GRIA2: variants seen among roughly 807,000 people sequenced by gnomAD.
GRIA2 encodes the protein glutamate receptor 2.
In GRIA2, 14 loss-of-function variants were observed where a neutral mutation model predicts 97.3. The ratio of observed to expected loss-of-function variants is 0.14; its 90% confidence interval spans 0.10 to 0.23. The LOEUF is 0.23. Among genes scored for constraint, GRIA2 ranks in the 10% least tolerant of loss-of-function variants. GRIA2 has a pLI of 1.00. For synonymous variants in GRIA2, 412 were observed against 387.8 expected (o/e 1.06, Z -0.73); for missense variants, 558 against 1,069.8 (o/e 0.52, Z 6.67).
intron 2 of GRIA2, among the ~76,000 whole-genome samples, chr4:157,223,086 G>A (rs552267733): frequency 2.0e-5 from 3 of 152,310 alleles, no homozygotes; most frequent in Admixed American, 6.5e-5. Flanking sequence ...CACAGGAAAA[G>A]CCCAACTGCA....
intron 2 of GRIA2, among the ~76,000 whole-genome samples, chr4:157,263,608 T>C (rs1352406660): frequency 6.6e-6 from 1 of 152,124 alleles, no homozygotes; most frequent in East Asian, 1.9e-4. Flanking sequence ...CCACAACAGA[T>C]GGTTAAAGGA....
At position 157,304,913 on chromosome 4, in the gene GRIA2, G is replaced by A. The variant is rs78275070; in HGVS notation, c.469+1122G>A. ...CTCTGCCCTGTCCTCCTAATCCTGGGAATGAGAACACTCAGTGGAAAAGCC... is the reference window on the plus strand; with the variant it reads ...CTCTGCCCTGTCCTCCTAATCCTGGAAATGAGAACACTCAGTGGAAAAGCC... On this transcript the variant is annotated intron_variant, in intron 3 of 15. Transcript: ENST00000264426. Among the ~76,000 whole-genome samples the A allele has an allele frequency of 6.7e-3, 1,014 of 152,072 alleles. 4 individuals are homozygous for A. Among genetic ancestry groups the A allele is most frequent in the Non-Finnish European group, 9.9e-3 (675 of 67,974 alleles).
chr4:157,355,388 C>G (rs1736206443), intron 12 of GRIA2, among the ~76,000 whole-genome samples: 1 of 151,214 alleles, frequency 6.6e-6, no homozygotes, highest in Non-Finnish European at 1.5e-5. Context: ...ATTAGCCAGG[C>G]GTGGTGGCAC....
intron 12 of GRIA2, among the ~76,000 whole-genome samples, chr4:157,355,598 A>ATT (rs1313848667): frequency 7.2e-6 from 1 of 138,632 alleles, no homozygotes; most frequent in Non-Finnish European, 1.5e-5. Flanking sequence ...TTATTTATAT[A>ATT]TATATTTATA....
chr4:157,341,206 TG>T, intron 11 of GRIA2, 57 bp from the exon 12 acceptor site: 1 of 1,151,440 alleles, frequency 8.7e-7, no homozygotes, highest in Non-Finnish European at 1.3e-6. Flanking sequence ...ACTGCTAACT[TG>T]TTTTTTTATT....
chr4:157,273,375 A>T (rs2126793912), intron 2 of GRIA2, among the ~76,000 whole-genome samples: 1 of 152,196 alleles, frequency 6.6e-6, no homozygotes, highest in East Asian at 1.9e-4. Context: ...CAGCTGAAAC[A>T]GACAGAACAA....
At chr4:157,321,030 A>AC in intron 5 of GRIA2, among the ~76,000 whole-genome samples, 1 of 152,262 alleles carries the variant, frequency 6.6e-6, no homozygotes, top group South Asian at 2.1e-4. Flanking sequence ...AACAGGAGTA[A>AC]CTTGCTCACA....
intron 2 of GRIA2, among the ~76,000 whole-genome samples, chr4:157,248,780 CTATATATATATATATATA>C (rs36210142): frequency 0.035 from 4,321 of 122,330 alleles, 95 homozygotes; most frequent in Middle Eastern, 0.1. Context: ...CTTTCTTTCA[CTATATATATATATATATA>C]TATATATATA....
intron 2 of GRIA2, among the ~76,000 whole-genome samples, chr4:157,255,548 C>T (rs1201503714): frequency 1.3e-5 from 2 of 151,980 alleles, no homozygotes; most frequent in East Asian, 3.9e-4. Context: ...TCCCTTTTCT[C>T]TGCGTCCTCA....
chr4:157,331,782 A>G (rs79598303), intron 6 of GRIA2, among the ~76,000 whole-genome samples: 8,298 of 151,988 alleles, frequency 0.055, 268 homozygotes, highest in Middle Eastern at 0.15. Flanking sequence ...TGGAGGTCTC[A>G]GTATTTGGAG....
Position 157,335,685 on chromosome 4 carries a change from T to C in GRIA2, c.1281T>C (p.Val427=), listed in dbSNP as rs202031408. The C allele has an allele frequency of 1.7e-5, 27 of 1,603,760 alleles. No individual in the cohort carries two copies. The highest frequency in any genetic ancestry group is 2.7e-5 in the African/African-American group (2 of 74,770). The change falls in exon 10 of 16, where the codon GTT becomes GTC. Residue 427 remains valine, a synonymous_variant. Coordinates refer to ENST00000264426, the MANE Select transcript of GRIA2 (RefSeq NM_001083619.3). ...VVTTILESPY[V]MMKKNHEMLE... is the part of the protein sequence containing the mutation. The stretch of plus-strand genomic sequence containing the variant: ...TTTTCATATAGGAATCTCCGTATGT[T>C]ATGATGAAGAAAAATCATGAAATGC...
chr4:157,250,174 A>C (rs2126739540), intron 2 of GRIA2, among the ~76,000 whole-genome samples: 1 of 152,272 alleles, frequency 6.6e-6, no homozygotes, highest in African/African-American at 2.4e-5. Flanking sequence ...ATACAAGTAT[A>C]ACTGCTTCAA....
At chr4:157,330,542 T>G (rs1735003751) in intron 6 of GRIA2, among the ~76,000 whole-genome samples, 1 of 151,946 alleles carries the variant, frequency 6.6e-6, no homozygotes, top group Non-Finnish European at 1.5e-5. Context: ...CTTTTTTTCA[T>G]TCTCCCCTTT....
At chr4:157,261,941 C>T (rs893323735) in intron 2 of GRIA2, among the ~76,000 whole-genome samples, 3 of 151,982 alleles carry the variant, frequency 2.0e-5, no homozygotes, top group African/African-American at 7.2e-5. Context: ...TTATTTTGTT[C>T]TTTCCATTAT....
chr4:157,267,539 T>A (rs1214983255), intron 2 of GRIA2, among the ~76,000 whole-genome samples: 1 of 152,106 alleles, frequency 6.6e-6, no homozygotes, highest in Admixed American at 6.6e-5. Context: ...TATTGACAAT[T>A]TTCTAGTTAA....
In GRIA2 at chr4:157,295,431, G is replaced by T. The variant is rs116029860; in HGVS notation, c.230-8121G>T. ...GCAATTTATGGAAAATGTCATTGGG[G>T]TGTATGTTTATTATTCTTTGCATTT... On this transcript the variant is annotated intron_variant, in intron 2 of 15. Coordinates refer to ENST00000264426, the MANE Select transcript of GRIA2 (RefSeq NM_001083619.3). Among the ~76,000 whole-genome samples, 251 of 152,206 alleles carry T rather than the reference G, an allele frequency of 1.6e-3. 1 individual carries two copies. The highest frequency in any genetic ancestry group is 5.7e-3 in the African/African-American group (235 of 41,552).
chr4:157,296,233 T>A (rs1237333720), intron 2 of GRIA2, among the ~76,000 whole-genome samples: 4 of 152,174 alleles, frequency 2.6e-5, no homozygotes, highest in Non-Finnish European at 5.9e-5. Context: ...ATGAATTAAC[T>A]ACATTTCATA....
intron 12 of GRIA2, among the ~76,000 whole-genome samples, chr4:157,348,973 C>T (rs760156000): frequency 6.6e-5 from 10 of 152,230 alleles, no homozygotes; most frequent in Middle Eastern, 3.4e-3. Context: ...TAATTTTGCT[C>T]CAAATACTTT....
intron 2 of GRIA2, among the ~76,000 whole-genome samples, chr4:157,241,700 GA>G (rs1306574973): frequency 1.3e-5 from 2 of 151,992 alleles, no homozygotes; most frequent in Admixed American, 6.6e-5. Flanking sequence ...AGATTGCCTT[GA>G]GTGGTTCTAT....
Sources: gnomAD v4.1 joint callset for allele counts (sites outside exome capture counted in the v4.1 genomes callset) on GRCh38, gnomAD v4.1.1 for gene constraint, MANE v1.5 for transcripts, NCBI Gene and HGNC (gene_info 2026-07-23, HGNC 2026-07-21) for gene names.